The following CUL1 variants were observed in gnomAD, a reference collection of about 807,000 sequenced individuals.
CUL1 encodes cullin 1.
CUL1 carries 24 observed loss-of-function variants against 118.0 expected under a neutral mutation model. The observed-to-expected ratio is 0.20, with a 90% confidence interval of 0.15 to 0.29. The LOEUF (loss-of-function observed/expected upper bound fraction) is 0.29, where lower values mean the gene tolerates loss of function less well. Among genes scored for constraint, CUL1 ranks in the 10% least tolerant of loss-of-function variants. The pLI is 1.00. For missense variants in CUL1, 361 were observed against 933.8 expected, an observed-to-expected ratio of 0.39 and a Z score of 7.99; for synonymous variants, 332 against 340.4, an observed-to-expected ratio of 0.98 and a Z score of 0.27.
chr7:148,736,411 C>G (rs906738722), intron 2 of CUL1, among the ~76,000 whole-genome samples: 2 of 152,070 alleles, frequency 1.3e-5, no homozygotes, highest in African/African-American at 4.8e-5. Flanking sequence ...TGATTCCACC[C>G]CCCACCCCAC....
At chr7:148,777,388 C>T (rs765040061) in intron 9 of CUL1, among the ~76,000 whole-genome samples, 3 of 152,218 alleles carry the variant, frequency 2.0e-5, no homozygotes, top group Non-Finnish European at 4.4e-5. Context: ...TGGTGGCTCA[C>T]ACCTGTAATC....
chr7:148,790,902 T>G (rs1800981432), intron 16 of CUL1, among the ~76,000 whole-genome samples: 1 of 152,232 alleles, frequency 6.6e-6, no homozygotes, highest in Non-Finnish European at 1.5e-5. Context: ...TTTATACCTA[T>G]GTAACTAAGA....
chr7:148,786,448 A>T (rs1335009479), intron 11 of CUL1, 103 bp from the exon 12 acceptor site: 3 of 898,546 alleles, frequency 3.3e-6, no homozygotes, highest in African/African-American at 1.6e-5. Context: ...CACTAATCTG[A>T]TGAGAACTGA....
At chr7:148,737,253 C>T (rs572008835) in intron 2 of CUL1, among the ~76,000 whole-genome samples, 29 of 148,910 alleles carry the variant, frequency 1.9e-4, no homozygotes, top group Middle Eastern at 3.5e-3. Flanking sequence ...AGCTATTTTT[C>T]AAAGTTTGAT....
chr7:148,726,701 A>G (rs780848394), intron 1 of CUL1, among the ~76,000 whole-genome samples: 13 of 152,098 alleles, frequency 8.5e-5, no homozygotes, highest in Non-Finnish European at 1.6e-4. Context: ...TCTTCATCTG[A>G]AGAGGAAGGG....
chr7:148,781,212 C>T (rs960570913), intron 9 of CUL1, among the ~76,000 whole-genome samples: 1 of 151,676 alleles, frequency 6.6e-6, no homozygotes, highest in African/African-American at 2.4e-5. Context: ...TCCCGAGTAG[C>T]TGGGATTATA....
chr7:148,752,740 C>G (rs1364903929), intron 2 of CUL1, among the ~76,000 whole-genome samples: 1 of 152,190 alleles, frequency 6.6e-6, no homozygotes, highest in East Asian at 1.9e-4. Flanking sequence ...GCTCCGCCTC[C>G]CGGGTTCATG....
intron 2 of CUL1, among the ~76,000 whole-genome samples, chr7:148,730,721 A>G (rs1217474790): frequency 6.6e-6 from 1 of 152,224 alleles, no homozygotes; most frequent in Non-Finnish European, 1.5e-5. Flanking sequence ...CATGAAGCCT[A>G]AAATATTTAC....
intron 11 of CUL1, among the ~76,000 whole-genome samples, chr7:148,785,639 C>T (rs1416912173): frequency 1.3e-5 from 2 of 151,448 alleles, no homozygotes; most frequent in Admixed American, 1.3e-4. Context: ...GCTGGGATTA[C>T]AGGTGTGAGC....
intron 2 of CUL1, among the ~76,000 whole-genome samples, chr7:148,745,203 C>T (rs1331568045): frequency 6.6e-6 from 1 of 151,844 alleles, no homozygotes; most frequent in Non-Finnish European, 1.5e-5. Flanking sequence ...TTATTTTGTT[C>T]TTTTTCATGG....
chr7:148,783,540 T>G, intron 9 of CUL1: 2 of 1,390,324 alleles, frequency 1.4e-6, no homozygotes, highest in Non-Finnish European at 1.9e-6. Flanking sequence ...TAATGCAAGC[T>G]CGGAATCAAT....
At chr7:148,747,263 C>A (rs11764570) in intron 2 of CUL1, among the ~76,000 whole-genome samples, 10,695 of 152,190 alleles carry the variant, frequency 0.07, 525 homozygotes, top group African/African-American at 0.13. Flanking sequence ...CAAGGAACAG[C>A]AGTCAGGCTG....
rs201433581 is a variant in CUL1, at chr7:148,748,489, TA to T, written c.141-5486del. 1.5e-3 allele frequency among the ~76,000 whole-genome samples: 226 copies of T among 152,358 alleles called. 4 individuals carry two copies. In the East Asian group the frequency reaches 0.037, roughly 25 times the overall value. On this transcript the variant is annotated intron_variant, in intron 2 of 21. Coordinates refer to ENST00000325222, the MANE Select transcript of CUL1 (RefSeq NM_003592.3). The stretch of plus-strand genomic sequence containing the variant: ...AGGTTACCAGGAATATAATTTCAAA[TA>T]TGTATATTAGTTAACACTGCCTCAA...
At chr7:148,708,538 C>G (rs1584756236) in intron 1 of CUL1, among the ~76,000 whole-genome samples, 1 of 152,194 alleles carries the variant, frequency 6.6e-6, no homozygotes, top group African/African-American at 2.4e-5. Context: ...TGCCTGGCTT[C>G]CTTGATTACA....
chr7:148,733,377 A>C (rs181239291), intron 2 of CUL1, among the ~76,000 whole-genome samples: 1 of 152,296 alleles, frequency 6.6e-6, no homozygotes, highest in Non-Finnish European at 1.5e-5. Context: ...TCATTGTGAG[A>C]ACTGAAAGAA....
intron 4 of CUL1, among the ~76,000 whole-genome samples, chr7:148,758,490 A>T (rs1014828607): frequency 1.3e-5 from 2 of 152,210 alleles, no homozygotes; most frequent in East Asian, 3.9e-4. Flanking sequence ...ATGGTGACGC[A>T]CCTATAGTCC....
intron 1 of CUL1, among the ~76,000 whole-genome samples, chr7:148,712,958 A>G (rs1051616592): frequency 2.6e-5 from 4 of 151,624 alleles, no homozygotes; most frequent in South Asian, 2.1e-4. Context: ...CATAACTGGG[A>G]AAAAAAAATG....
intron 9 of CUL1, among the ~76,000 whole-genome samples, chr7:148,775,029 T>C (rs1017116480): frequency 6.6e-6 from 1 of 152,146 alleles, no homozygotes; most frequent in Non-Finnish European, 1.5e-5. Flanking sequence ...CCGAGTACAT[T>C]AGCAGAAAAA....
intron 1 of CUL1, among the ~76,000 whole-genome samples, chr7:148,700,205 G>A (rs888764506): frequency 7.2e-5 from 11 of 152,122 alleles, no homozygotes; most frequent in Admixed American, 5.2e-4. Flanking sequence ...TCCTGTAGTA[G>A]CATTAAAATC....
Sources: gnomAD v4.1 joint callset for allele counts (sites outside exome capture counted in the v4.1 genomes callset) on GRCh38, gnomAD v4.1.1 for gene constraint, MANE v1.5 for transcripts, NCBI Gene and HGNC (gene_info 2026-07-23, HGNC 2026-07-21) for gene names.